The following CCPG1 variants were observed in gnomAD, a reference collection of about 807,000 sequenced individuals.
The protein encoded by CCPG1 is cell cycle progression 1.
A neutral mutation model predicts 81.3 loss-of-function variants in CCPG1; 46 were observed. That is an observed-to-expected ratio of 0.57 (90% confidence interval 0.45 to 0.72). The LOEUF (loss-of-function observed/expected upper bound fraction) is 0.72. CCPG1 is among the 30% of genes least tolerant of loss of function. The probability of loss-of-function intolerance (pLI) is 0.00; values close to 1 mark genes in which losing one functional copy is unlikely to be tolerated. For missense variants in CCPG1, 902 were observed against 937.6 expected (o/e 0.96, Z 0.50); for synonymous variants, 330 against 305.2 (o/e 1.08, Z -0.85).
chr15:55,399,637 G>A (rs1350154562), intron 1 of CCPG1: 2 of 152,030 alleles, frequency 1.3e-5, no homozygotes, highest in African/African-American at 4.8e-5. Flanking sequence ...GATAAAAAAA[G>A]ATCCTTAAGA....
chr15:55,406,435 TC>T (rs1450594972), intron 1 of CCPG1, among the ~76,000 whole-genome samples: 3 of 103,256 alleles, frequency 2.9e-5, no homozygotes, highest in Non-Finnish European at 4.6e-5. Flanking sequence ...TTTCTTTTTC[TC>T]TTTTTTTTTT....
chr15:55,376,803 T>A (rs762729950), intron 5 of CCPG1, 146 bp downstream of exon 5: 1 of 626,290 alleles, frequency 1.6e-6, no homozygotes, highest in East Asian at 2.7e-5. Flanking sequence ...TAGGTATTAA[T>A]AGATTTCACA....
intron 6 of CCPG1, among the ~76,000 whole-genome samples, chr15:55,368,370 C>A (rs2056375046): frequency 6.6e-6 from 1 of 152,160 alleles, no homozygotes. Context: ...TTGAGTCTAT[C>A]ATAAACTTAC....
At chr15:55,382,911 A>C (rs2056729480) in intron 3 of CCPG1, among the ~76,000 whole-genome samples, 1 of 152,132 alleles carries the variant, frequency 6.6e-6, no homozygotes, top group African/African-American at 2.4e-5. Flanking sequence ...GGTTGAAATC[A>C]ACTTCTTCCA....
At chr15:55,383,459 C>T (rs994263500) in intron 3 of CCPG1, among the ~76,000 whole-genome samples, 22 of 152,330 alleles carry the variant, frequency 1.4e-4, no homozygotes, top group Middle Eastern at 3.4e-3. Flanking sequence ...TCACCAGCTA[C>T]ATTTGCCTCT....
intron 8 of CCPG1, chr15:55,358,853 CATTAT>C (rs1221307283): frequency 1.0e-6 from 1 of 969,174 alleles, no homozygotes; most frequent in East Asian, 1.1e-4. Context: ...TTTATAGACA[CATTAT>C]ATTTATTCAG....
intron 1 of CCPG1, among the ~76,000 whole-genome samples, chr15:55,407,007 G>T (rs1274267882): frequency 2.0e-5 from 3 of 149,420 alleles, no homozygotes; most frequent in African/African-American, 7.6e-5. Flanking sequence ...GAGGTCAGGA[G>T]TCCAAGACCA....
chr15:55,358,660 C>T, intron 8 of CCPG1: 1 of 985,318 alleles, frequency 1.0e-6, no homozygotes, highest in Non-Finnish European at 1.2e-6. Flanking sequence ...GAAGCCTTTC[C>T]AAACACCTCC....
chr15:55,358,927 TC>T, intron 8 of CCPG1: 1 of 964,002 alleles, frequency 1.0e-6, no homozygotes, highest in Non-Finnish European at 1.2e-6. Flanking sequence ...TAGGTAAGTT[TC>T]ATGTTACAGA....
chr15:55,383,215 T>C (rs914393625), intron 3 of CCPG1, among the ~76,000 whole-genome samples: 7 of 152,230 alleles, frequency 4.6e-5, no homozygotes, highest in Admixed American at 3.3e-4. Flanking sequence ...CCTTCGGTGA[T>C]TGACCAGGTA....
At chr15:55,389,622 T>C (rs1186562262) in intron 1 of CCPG1, among the ~76,000 whole-genome samples, 189 bp from the exon 2 acceptor site, 1 of 152,174 alleles carries the variant, frequency 6.6e-6, no homozygotes, top group African/African-American at 2.4e-5. Flanking sequence ...GAAGCAAACT[T>C]CTAAGATAAG....
chr15:55,405,850 G>A (rs2057208115), intron 1 of CCPG1, among the ~76,000 whole-genome samples: 1 of 152,204 alleles, frequency 6.6e-6, no homozygotes, highest in Admixed American at 6.5e-5. Context: ...GACTTTGCCT[G>A]TGTTTTTTAC....
At chr15:55,367,539 C>T (rs769859857) in intron 6 of CCPG1, among the ~76,000 whole-genome samples, 5 of 151,952 alleles carry the variant, frequency 3.3e-5, no homozygotes, top group African/African-American at 7.3e-5. Context: ...ATTAAGAATT[C>T]CAAGCTACAG....
intron 5 of CCPG1, 48 bp from the exon 6 acceptor site, chr15:55,372,092 C>T (rs759057215): frequency 1.3e-6 from 2 of 1,559,462 alleles, no homozygotes. Context: ...CTTGGAAAAG[C>T]TTTCCCAGTA....
At chr15:55,397,359 G>A (rs1248384368) in intron 1 of CCPG1, among the ~76,000 whole-genome samples, 2 of 152,152 alleles carry the variant, frequency 1.3e-5, no homozygotes, top group African/African-American at 2.4e-5. Context: ...TCACAGAAGC[G>A]TTTTGAGAAA....
At chr15:55,382,927 C>T (rs927989025) in intron 3 of CCPG1, among the ~76,000 whole-genome samples, 3 of 152,154 alleles carry the variant, frequency 2.0e-5, no homozygotes, top group Non-Finnish European at 4.4e-5. Flanking sequence ...TTCCAAACTC[C>T]TGTTAATGTT....
intron 1 of CCPG1, among the ~76,000 whole-genome samples, chr15:55,406,062 GC>G (rs932253971): frequency 6.6e-6 from 1 of 152,096 alleles, no homozygotes; most frequent in Non-Finnish European, 1.5e-5. Flanking sequence ...ACGGGGTTTT[GC>G]CACGTTGGCC....
rs763379914 is a variant in CCPG1, at chr15:55,360,332, A to G, written c.1441T>C (p.Ser481Pro). 1 of 1,613,576 alleles carries G rather than the reference A, an allele frequency of 6.2e-7. No homozygotes were observed. The highest frequency in any genetic ancestry group is 2.2e-5 in the East Asian group (1 of 44,868). ...GRGSHRAKNK[S>P]KETFLGSVKE... is the part of the protein sequence containing the mutation. Reference sequence around the variant, plus strand: ...ACTGAACCCAAAAATGTTTCCTTTGACTTATTTTTAGCCCTGTGGCTTCCT... The same window carrying G: ...ACTGAACCCAAAAATGTTTCCTTTGGCTTATTTTTAGCCCTGTGGCTTCCT... The change falls in exon 8 of 9, where the codon TCA (serine) becomes CCA (proline). Residue 481 changes from serine to proline, a missense_variant. By Grantham distance (74) the Ser-to-Pro change is moderately conservative (BLOSUM62 -1). Around this residue, in one of 3 missense-constraint regions of CCPG1, gnomAD observed 746 missense variants for 728.6 expected, o/e 1.02. Coordinates refer to ENST00000442196, the MANE Select transcript of CCPG1 (RefSeq NM_001204450.2).
rs533585390 is a variant in CCPG1 at position 55,367,612 on chromosome 15, T to C, written c.707-2303A>G. 2.7e-4 allele frequency among the ~76,000 whole-genome samples: 17 copies of C among 62,350 alleles called. No individual in the cohort carries two copies. The South Asian group carries it at 4.2e-3, about 16-fold the overall frequency. The allele number at this position is 62,350 out of a possible 152,430, so 40.9% of individuals were successfully genotyped here. ...ACATCCAGCTGTGTAGGGGGCCTGTTTGTAGGGTGGAAAAAAAAAAAAAAT... is the reference window on the plus strand; with the variant it reads ...ACATCCAGCTGTGTAGGGGGCCTGTCTGTAGGGTGGAAAAAAAAAAAAAAT... On this transcript the variant is annotated intron_variant, in intron 6 of 8. Transcript: ENST00000442196.
Sources: gnomAD v4.1 joint callset for allele counts (sites outside exome capture counted in the v4.1 genomes callset) on GRCh38, gnomAD v4.1.1 for gene constraint, gnomAD v4.1.1 regional missense constraint, MANE v1.5 for transcripts, NCBI Gene and HGNC (gene_info 2026-07-23, HGNC 2026-07-21) for gene names.